ZNF738: variants seen among roughly 807,000 people sequenced by gnomAD.
The protein encoded by ZNF738 is protein ZNF738.
Under a neutral mutation model 9.2 loss-of-function variants are expected in ZNF738, and 10 were observed. The ratio of observed to expected loss-of-function variants is 1.09; its 90% CI spans 0.67 to 1.85. ZNF738 has a LOEUF of 1.85. Ranked by LOEUF, ZNF738 falls within the 40% of genes most tolerant of loss-of-function variation. ZNF738 has a pLI of 0.00. For synonymous variants in ZNF738, 113 were observed against 94.5 expected (o/e 1.20, Z -1.14); for missense variants, 346 against 283.6 (o/e 1.22, Z -1.58).
At position 21,385,398 on chromosome 19, in the gene ZNF738, G is replaced by A. The variant is rs1312427904; in HGVS notation, c.*1724G>A. On this transcript the variant is annotated 3_prime_UTR_variant, in exon 5 of 5. Coordinates refer to ENST00000683779, the MANE Select transcript of ZNF738 (RefSeq NM_001355237.2). ...TTGAACCCAGGAGGTGGAGGTTGCA[G>A]TGAGCTGAGATGGCTCCACTGCACT... is the stretch of plus-strand genomic sequence containing the variant. Among the ~76,000 whole-genome samples, 1 of 152,088 alleles carries A rather than the reference G, an allele frequency of 6.6e-6. No homozygotes were observed. The highest frequency in any genetic ancestry group is 2.4e-5 in the African/African-American group (1 of 41,408).
chr19:21,380,651 G>C (rs1252893407), intron 4 of ZNF738, among the ~76,000 whole-genome samples: 2 of 152,188 alleles, frequency 1.3e-5, no homozygotes, highest in African/African-American at 2.4e-5. Context: ...TACCATCACT[G>C]AGAACTAATC....
chr19:21,382,740 AG>A, intron 4 of ZNF738, 125 bp from the exon 5 acceptor site: 1 of 180,690 alleles, frequency 5.5e-6, no homozygotes. Flanking sequence ...ATAAAAAATT[AG>A]GGCCTTTGGT....
Position 21,375,375 on chromosome 19 carries a change from C to A in ZNF738, c.223+11C>A. On this transcript the variant is annotated intron_variant, in intron 3 of 4. Coordinates refer to ENST00000683779, the MANE Select transcript of ZNF738 (RefSeq NM_001355237.2). Reference sequence around the variant, plus strand: ...ACCTGGTGTTCTTGGGTGAGAATAACTTTAATACACAATTCCTTATATACA... The same window carrying A: ...ACCTGGTGTTCTTGGGTGAGAATAAATTTAATACACAATTCCTTATATACA... 1.3e-6 allele frequency: 1 copy of A among 768,546 alleles called. No homozygotes were observed. Among genetic ancestry groups the A allele is most frequent in the Non-Finnish European group, 2.3e-6 (1 of 437,520 alleles). The allele number at this position is 768,546 out of a possible 1,614,324, so 47.6% of individuals were successfully genotyped here. A position where few individuals can be genotyped will look rare whatever the true frequency, so the allele number is the denominator to read the frequency against.
intron 3 of ZNF738, among the ~76,000 whole-genome samples, chr19:21,375,635 A>G (rs187324446): frequency 3.3e-5 from 5 of 152,266 alleles, no homozygotes; most frequent in East Asian, 3.9e-4. Context: ...ATTGTTGCCC[A>G]TAGGTTAAAA....
intron 4 of ZNF738, chr19:21,379,137 G>A (rs1431413155): frequency 4.6e-5 from 7 of 150,836 alleles, no homozygotes; most frequent in Admixed American, 3.3e-4. Flanking sequence ...CTGATTTTCT[G>A]TAGTTCTCTG....
intron 4 of ZNF738, among the ~76,000 whole-genome samples, chr19:21,379,686 A>T (rs1034354290): frequency 1.3e-5 from 2 of 152,080 alleles, no homozygotes; most frequent in African/African-American, 4.8e-5. Context: ...CCAGTATTTT[A>T]CTTGTGTTTT....
chr19:21,365,271 G>T (rs1009204237), intron 2 of ZNF738, among the ~76,000 whole-genome samples: 14 of 152,136 alleles, frequency 9.2e-5, no homozygotes, highest in African/African-American at 3.4e-4. Context: ...TTGCCAGCCA[G>T]GTCTTTATGA....
intron 2 of ZNF738, among the ~76,000 whole-genome samples, chr19:21,373,919 A>C (rs8103417): frequency 0.22 from 33,782 of 151,912 alleles, 3,799 homozygotes; most frequent in Non-Finnish European, 0.24. Context: ...ACTACTATAA[A>C]AAATTCTTGT....
At chr19:21,380,819 C>T (rs1292038454) in intron 4 of ZNF738, among the ~76,000 whole-genome samples, 2 of 152,080 alleles carry the variant, frequency 1.3e-5, no homozygotes, top group African/African-American at 2.4e-5. Flanking sequence ...GTCAGGACGT[C>T]CTGTCTCAGA....
At position 21,388,281 on chromosome 19, in the gene ZNF738, C is replaced by T. The variant is rs1406379900; in HGVS notation, c.*4607C>T. Among the ~76,000 whole-genome samples, 3 of 152,112 alleles carry T rather than the reference C, an allele frequency of 2.0e-5. No individual in the cohort carries two copies. The highest frequency in any genetic ancestry group is 7.2e-5 in the African/African-American group (3 of 41,442). ...CAACACTCATTTTCTGGTGTTTCTT[C>T]ATTCTTATTCACTTGTGAAAGCATG... On this transcript the variant is annotated 3_prime_UTR_variant, in exon 5 of 5. Transcript: ENST00000683779.
intron 3 of ZNF738, 117 bp from the exon 4 acceptor site, chr19:21,375,752 G>C: frequency 2.0e-6 from 1 of 508,956 alleles, no homozygotes. Flanking sequence ...TCATTAAATA[G>C]TATTTTGGGA....
At chr19:21,376,501 T>C (rs1973929731) in intron 4 of ZNF738, 1 of 152,670 alleles carries the variant, frequency 6.6e-6, no homozygotes, top group African/African-American at 2.4e-5. Context: ...CTTTGTTCTT[T>C]TTCCTCAAGA....
intron 2 of ZNF738, among the ~76,000 whole-genome samples, chr19:21,365,798 A>T (rs927388249): frequency 6.6e-6 from 1 of 152,066 alleles, no homozygotes; most frequent in Non-Finnish European, 1.5e-5. Context: ...TCTACCAAAA[A>T]TACAAAAAAT....
In ZNF738 at chr19:21,384,245, C is replaced by T; in HGVS notation, c.*571C>T. The T allele has an allele frequency of 7.0e-7, 1 of 1,423,840 alleles. No homozygotes were observed. The highest frequency in any genetic ancestry group is 9.9e-7 in the Non-Finnish European group (1 of 1,012,924). 88.2% of individuals were successfully genotyped at this position (1,423,840 alleles called of 1,614,324 possible). ...AGAGAATTCATACTGGTGAGAAACC[C>T]TACAAATGTGAAGAATGTGGCAAAG... On this transcript the variant is annotated 3_prime_UTR_variant, in exon 5 of 5. Coordinates refer to ENST00000683779, the MANE Select transcript of ZNF738 (RefSeq NM_001355237.2).
intron 1 of ZNF738, among the ~76,000 whole-genome samples, chr19:21,361,510 C>T (rs1052176293): frequency 3.2e-4 from 49 of 152,286 alleles, no homozygotes; most frequent in African/African-American, 1.2e-3. Context: ...AAATAATAAT[C>T]CCCTGACACT....
chr19:21,380,367 G>A (rs1973988684), intron 4 of ZNF738, among the ~76,000 whole-genome samples: 1 of 152,180 alleles, frequency 6.6e-6, no homozygotes, highest in South Asian at 2.1e-4. Context: ...TGCCTCAGAG[G>A]GCAGAGCATG....
intron 2 of ZNF738, among the ~76,000 whole-genome samples, chr19:21,363,326 G>A (rs1973724777): frequency 6.6e-6 from 1 of 152,150 alleles, no homozygotes; most frequent in Non-Finnish European, 1.5e-5. Flanking sequence ...GTGACTCAGA[G>A]CTAGGGCTTA....
Position 21,384,127 on chromosome 19 carries a change from C to G in ZNF738, c.*453C>G. ...GCTTTCTACCGATTATCTTATCTTACTACACATAAGATGATTCATACTGTA... is the reference window on the plus strand; with the variant it reads ...GCTTTCTACCGATTATCTTATCTTAGTACACATAAGATGATTCATACTGTA... On this transcript the variant is annotated 3_prime_UTR_variant, in exon 5 of 5. Transcript: ENST00000683779. The G allele has an allele frequency of 2.7e-6, 4 of 1,487,018 alleles. No individual in the cohort carries two copies. Among genetic ancestry groups the G allele is most frequent in the Non-Finnish European group, 3.7e-6 (4 of 1,069,202 alleles). The allele number at this position is 1,487,018 out of a possible 1,614,324, so 92.1% of individuals were successfully genotyped here.
chr19:21,377,189 C>T (rs979937963), intron 4 of ZNF738, among the ~76,000 whole-genome samples: 9 of 151,934 alleles, frequency 5.9e-5, no homozygotes, highest in Non-Finnish European at 1.3e-4. Context: ...TGCCTGTAGT[C>T]CTAGCTACTC....
Sources: allele counts gnomAD v4.1 joint callset (sites outside exome capture counted in the v4.1 genomes callset), GRCh38; gene constraint gnomAD v4.1.1; transcripts MANE v1.5; gene names NCBI Gene and HGNC (gene_info 2026-07-23, HGNC 2026-07-21).